The following OR7D4 variants were observed in gnomAD, a reference collection of about 807,000 sequenced individuals.
The protein encoded by OR7D4 is olfactory receptor 7D4.
For synonymous variants in OR7D4, 154 were observed against 158.4 expected (o/e 0.97, Z 0.21); for missense variants, 319 against 377.1 (o/e 0.85, Z 1.27).
chr19:9,214,764 G>A lies in OR7D4; in HGVS notation c.74C>T (p.Pro25Leu), dbSNP rs2051199705. ...GGACAGGAACAGCCCAAAGAGGACG[G>A]GCTGCAGTTCAGGATCATCTGAGAG... is the stretch of plus-strand genomic sequence containing the variant. ...LGLSDDPELQ[P>L]VLFGLFLSMY... Residue 25 changes from proline to leucine, a missense_variant, in exon 2 of 2, where the codon CCC (proline) becomes CTC (leucine). By Grantham distance (98) the Pro-to-Leu change is moderately conservative (BLOSUM62 -3). Transcript: ENST00000641669. The A allele has an allele frequency of 6.2e-7, 1 of 1,613,930 alleles. No homozygotes were observed. The highest frequency in any genetic ancestry group is 1.3e-5 in the African/African-American group (1 of 74,926).
In OR7D4 at chr19:9,214,089, A is replaced by G; in HGVS notation, c.749T>C (p.Leu250Ser). ...GACCCCAAGTCCTGTTCCATAGAAC[A>G]AGGAGACCACACAGAGGTGAGATCC... ...TCGSHLCVVSLFYGTGLGVYL... is the reference protein window; with the variant it reads ...TCGSHLCVVSSFYGTGLGVYL... Residue 250 changes from leucine (L) to serine (S), a missense_variant, in exon 2 of 2, where the codon TTG becomes TCG. Transcript: ENST00000641669. 1 of 1,614,224 alleles carries G rather than the reference A, an allele frequency of 6.2e-7. No homozygotes were observed. The highest frequency in any genetic ancestry group is 8.5e-7 in the Non-Finnish European group (1 of 1,180,034).
chr19:9,214,373 G>C lies in OR7D4; in HGVS notation c.465C>G (p.Phe155Leu). 1 of 1,614,120 alleles carries C rather than the reference G, an allele frequency of 6.2e-7. No homozygotes were observed. The highest frequency in any genetic ancestry group is 8.5e-7 in the Non-Finnish European group (1 of 1,180,000). Residue 155 changes from phenylalanine (F) to leucine (L), a missense_variant, in exon 2 of 2, where the codon TTC (phenylalanine) becomes TTG (leucine). Coordinates refer to ENST00000641669, the MANE Select transcript of OR7D4 (RefSeq NM_001005191.3). ...TCATCAGTAGAATATGAACCAGGGAGAACCAGAAAATGATGAACCAAGATG... is the reference window on the plus strand; with the variant it reads ...TCATCAGTAGAATATGAACCAGGGACAACCAGAAAATGATGAACCAAGATG... ...VLASWFIIFW[F>L]SLVHILLMKR...
rs2051186751 is a variant in OR7D4, at chr19:9,213,618, A to T, written c.*281T>A. ...CTGGCTGTGGTGGCACACACCTGTA[A>T]TCTCAGCTACTTGAGAGGCTGAGGC... On this transcript the variant is annotated 3_prime_UTR_variant, in exon 2 of 2. Coordinates refer to ENST00000641669, the MANE Select transcript of OR7D4 (RefSeq NM_001005191.3). The T allele has an allele frequency of 1.1e-5, 4 of 368,420 alleles. No individual in the cohort carries two copies. The South Asian group carries it at 1.2e-4, about 11-fold the overall frequency. The allele number at this position is 368,420 out of a possible 1,614,324, so 22.8% of individuals were successfully genotyped here. A position where few individuals can be genotyped will look rare whatever the true frequency, so the allele number is the denominator to read the frequency against.
chr19:9,217,999 T>A (rs2051228993), intron 1 of OR7D4, among the ~76,000 whole-genome samples: 1 of 152,226 alleles, frequency 6.6e-6, no homozygotes, highest in African/African-American at 2.4e-5. Context: ...GATATGTATT[T>A]GATGACTAGA....
rs1252626147 is a variant in OR7D4, at chr19:9,211,111, C to T, written c.*2788G>A. ...AAGGATAGGCCTGGCCTCTGTTGCT[C>T]TGTCCCTTGCTTCCCTGCACTGACA... On this transcript the variant is annotated 3_prime_UTR_variant, in exon 2 of 2. Coordinates refer to ENST00000641669, the MANE Select transcript of OR7D4 (RefSeq NM_001005191.3). 6.6e-6 allele frequency: 1 copy of T among 152,296 alleles called. No homozygotes were observed. Among genetic ancestry groups the T allele is most frequent in the African/African-American group, 2.4e-5 (1 of 41,464 alleles). The allele number at this position is 152,296 out of a possible 1,614,324, so 9.4% of individuals were successfully genotyped here. A position where few individuals can be genotyped will look rare whatever the true frequency, so the allele number is the denominator to read the frequency against.
At position 9,212,218 on chromosome 19, in the gene OR7D4, A is replaced by G. The variant is rs886655793; in HGVS notation, c.*1681T>C. 6.6e-6 allele frequency: 1 copy of G among 152,088 alleles called. No homozygotes were observed. The highest frequency in any genetic ancestry group is 2.4e-5 in the African/African-American group (1 of 41,414). 9.4% of individuals were successfully genotyped at this position (152,088 alleles called of 1,614,324 possible). ...TACAAACAATGCAATTATACTTTCT[A>G]AGTTATTTTGTTTTATTTATTTATT... On this transcript the variant is annotated 3_prime_UTR_variant, in exon 2 of 2. Coordinates refer to ENST00000641669, the MANE Select transcript of OR7D4 (RefSeq NM_001005191.3).
intron 1 of OR7D4, among the ~76,000 whole-genome samples, chr19:9,215,115 T>C (rs943661561): frequency 2.4e-4 from 37 of 152,032 alleles, no homozygotes; most frequent in African/African-American, 8.5e-4. Context: ...GAGGACAAGG[T>C]GGGCAGATCA....
rs375836737 is a variant in OR7D4, at chr19:9,214,709, C to T, written c.129G>A (p.Leu43=). 4.3e-6 allele frequency: 7 copies of T among 1,613,940 alleles called. No homozygotes were observed. Among genetic ancestry groups the T allele is most frequent in the Middle Eastern group, 1.6e-4 (1 of 6,084 alleles). ...SMYLVTVLGN[L]LIILAVSSDS... is the part of the protein sequence containing the mutation. ...CAGAGCTGACGGCCAGAATGATGAG[C>T]AGGTTCCCCAGCACCGTGACCAGGT... Residue 43 remains leucine, a synonymous_variant, in exon 2 of 2, where the codon CTG becomes CTA. Coordinates refer to ENST00000641669, the MANE Select transcript of OR7D4 (RefSeq NM_001005191.3).
intron 1 of OR7D4, 144 bp from the exon 2 acceptor site, chr19:9,214,994 G>T: frequency 1.7e-6 from 1 of 590,194 alleles, no homozygotes; most frequent in Non-Finnish European, 3.0e-6. Flanking sequence ...TCAGGAAGTG[G>T]TATCTATTTT....
rs2051180967 is a variant in OR7D4 at position 9,212,762 on chromosome 19, T to A, written c.*1137A>T. ...TATCATTCTTTGCTTTTGTGTTTGTTTTTGGTTTGAGACAGGGTCTTGCTC... is the reference window on the plus strand; with the variant it reads ...TATCATTCTTTGCTTTTGTGTTTGTATTTGGTTTGAGACAGGGTCTTGCTC... On this transcript the variant is annotated 3_prime_UTR_variant, in exon 2 of 2. Coordinates refer to ENST00000641669, the MANE Select transcript of OR7D4 (RefSeq NM_001005191.3). 6.6e-6 allele frequency: 1 copy of A among 152,108 alleles called. No individual in the cohort carries two copies. The highest frequency in any genetic ancestry group is 2.4e-5 in the African/African-American group (1 of 41,394). 9.4% of individuals were successfully genotyped at this position (152,108 alleles called of 1,614,324 possible). A position where few individuals can be genotyped will look rare whatever the true frequency, so the allele number is the denominator to read the frequency against.
rs1448147235 is a variant in OR7D4 at position 9,214,696 on chromosome 19, C to A, written c.142G>T (p.Ala48Ser). The A allele has an allele frequency of 6.2e-7, 1 of 1,613,986 alleles. No individual in the cohort carries two copies. The highest frequency in any genetic ancestry group is 1.1e-5 in the South Asian group (1 of 91,078). ...TGGAGGTGGGAGTCAGAGCTGACGG[C>A]CAGAATGATGAGCAGGTTCCCCAGC... is the stretch of plus-strand genomic sequence containing the variant. ...TVLGNLLIIL[A>S]VSSDSHLHTP... The change falls in exon 2 of 2, where the codon GCC becomes TCC. Residue 48 changes from alanine to serine, a missense_variant. Transcript: ENST00000641669.
Position 9,212,396 on chromosome 19 carries a change from A to T in OR7D4, c.*1503T>A, listed in dbSNP as rs1247417660. On this transcript the variant is annotated 3_prime_UTR_variant, in exon 2 of 2. Transcript: ENST00000641669. ...GAATAAACAGAAAATACTGGCTACC[A>T]AATTTGCAGGATGCAAATTAGGATT... is the stretch of plus-strand genomic sequence containing the variant. 2 of 152,230 alleles carry T rather than the reference A, an allele frequency of 1.3e-5. No individual in the cohort carries two copies. The highest frequency in any genetic ancestry group is 4.8e-5 in the African/African-American group (2 of 41,468). The allele number at this position is 152,230 out of a possible 1,614,324, so 9.4% of individuals were successfully genotyped here.
In OR7D4 at chr19:9,212,059, T is replaced by C. The variant is rs1171613973; in HGVS notation, c.*1840A>G. On this transcript the variant is annotated 3_prime_UTR_variant, in exon 2 of 2. Coordinates refer to ENST00000641669, the MANE Select transcript of OR7D4 (RefSeq NM_001005191.3). ...TTCTTTAAAAATGTTTTAAAACATTTTTAATTTTTGTGCGTAGATAGTAGC... is the reference window on the plus strand; with the variant it reads ...TTCTTTAAAAATGTTTTAAAACATTCTTAATTTTTGTGCGTAGATAGTAGC... The C allele has an allele frequency of 6.6e-6, 1 of 152,118 alleles. No individual in the cohort carries two copies. The highest frequency in any genetic ancestry group is 1.5e-5 in the Non-Finnish European group (1 of 68,032). 9.4% of individuals were successfully genotyped at this position (152,118 alleles called of 1,614,324 possible). A position where few individuals can be genotyped will look rare whatever the true frequency, so the allele number is the denominator to read the frequency against.
chr19:9,214,651 G>C lies in OR7D4; in HGVS notation c.187C>G (p.Leu63Val). Residue 63 changes from leucine (L) to valine (V), a missense_variant, in exon 2 of 2, where the codon CTC becomes GTC. Coordinates refer to ENST00000641669, the MANE Select transcript of OR7D4 (RefSeq NM_001005191.3). ...ATGTCAACAAAGGACAGGTTGGAGAGGAAGAAGTACATGGGGGTGTGGAGG... is the reference window on the plus strand; with the variant it reads ...ATGTCAACAAAGGACAGGTTGGAGACGAAGAAGTACATGGGGGTGTGGAGG... ...SHLHTPMYFF[L>V]SNLSFVDICF... The C allele has an allele frequency of 4.3e-6, 7 of 1,614,178 alleles. No homozygotes were observed. The highest frequency in any genetic ancestry group is 5.9e-6 in the Non-Finnish European group (7 of 1,180,026).
In OR7D4 at chr19:9,214,353, A is replaced by G. The variant is rs1321662937; in HGVS notation, c.485T>C (p.Leu162Pro). ...TGTGGAGAAGGTCAACCTCTTCATCAGTAGAATATGAACCAGGGAGAACCA... is the reference window on the plus strand; with the variant it reads ...TGTGGAGAAGGTCAACCTCTTCATCGGTAGAATATGAACCAGGGAGAACCA... ...IFWFSLVHIL[L>P]MKRLTFSTGT... Residue 162 changes from leucine to proline, a missense_variant, in exon 2 of 2, where the codon CTG (leucine) becomes CCG (proline). Coordinates refer to ENST00000641669, the MANE Select transcript of OR7D4 (RefSeq NM_001005191.3). 8 of 1,614,044 alleles carry G rather than the reference A, an allele frequency of 5.0e-6. No individual in the cohort carries two copies. The highest frequency in any genetic ancestry group is 6.8e-6 in the Non-Finnish European group (8 of 1,180,030).
chr19:9,215,744 C>CT (rs2051207065), intron 1 of OR7D4, among the ~76,000 whole-genome samples: 1 of 152,168 alleles, frequency 6.6e-6, no homozygotes, highest in African/African-American at 2.4e-5. Flanking sequence ...TCTTATTAAT[C>CT]TTTTCCTTTT....
chr19:9,215,514 T>C (rs1207279311), intron 1 of OR7D4, among the ~76,000 whole-genome samples: 2 of 152,188 alleles, frequency 1.3e-5, no homozygotes, highest in African/African-American at 4.8e-5. Context: ...TTCATTCTAA[T>C]AGATGTACAA....
At chr19:9,217,642 G>A (rs1393919107) in intron 1 of OR7D4, among the ~76,000 whole-genome samples, 4 of 152,070 alleles carry the variant, frequency 2.6e-5, no homozygotes, top group Admixed American at 2.0e-4. Context: ...AGGTTCAAGC[G>A]ATTCTCCTGT....
intron 1 of OR7D4, among the ~76,000 whole-genome samples, 195 bp downstream of exon 1, chr19:9,219,005 A>T (rs894982219): frequency 3.9e-5 from 6 of 152,172 alleles, no homozygotes; most frequent in Non-Finnish European, 8.8e-5. Context: ...TTATTTCTAT[A>T]TGATATCATG....
Sources: allele counts gnomAD v4.1 joint callset (sites outside exome capture counted in the v4.1 genomes callset), GRCh38; gene constraint gnomAD v4.1.1; transcripts MANE v1.5; gene names NCBI Gene and HGNC (gene_info 2026-07-23, HGNC 2026-07-21).